The following IL1RAPL2 variants were observed in gnomAD, a reference collection of about 807,000 sequenced individuals.
The protein encoded by IL1RAPL2 is X-linked interleukin-1 receptor accessory protein-like 2.
IL1RAPL2 carries 3 observed loss-of-function variants against 44.1 expected under a neutral mutation model. The ratio of observed to expected loss-of-function variants is 0.07; its 90% CI spans 0.03 to 0.18. The LOEUF is 0.18. IL1RAPL2 is among the 10% of genes least tolerant of loss of function. IL1RAPL2 has a pLI of 1.00. For synonymous variants in IL1RAPL2, 181 were observed against 178.8 expected, an observed-to-expected ratio of 1.01 and a Z score of -0.10; for missense variants, 391 against 496.4, an observed-to-expected ratio of 0.79 and a Z score of 2.02.
chrX:104,890,952 C>A (rs1377504308), intron 2 of IL1RAPL2, among the ~76,000 whole-genome samples: 11 of 111,766 alleles, frequency 9.8e-5, no homozygotes, highest in African/African-American at 3.3e-4. Context: ...TAATTCTTTA[C>A]TCCCTCTTGA....
At chrX:105,406,435 G>A in intron 5 of IL1RAPL2, 1 of 1,149,865 alleles carries the variant, frequency 8.7e-7, no homozygotes, top group African/African-American at 1.8e-5. Flanking sequence ...ACCTGGAAGT[G>A]GCAATAAAGA....
chrX:104,782,792 CTG>C (rs1932781356), intron 2 of IL1RAPL2, among the ~76,000 whole-genome samples: 1 of 111,694 alleles, frequency 9.0e-6, no homozygotes, highest in South Asian at 3.8e-4. Context: ...TACAGGCTAA[CTG>C]TTGCTGAGGC....
At chrX:104,936,989 G>A (rs886108843) in intron 2 of IL1RAPL2, among the ~76,000 whole-genome samples, 8 of 111,875 alleles carry the variant, frequency 7.2e-5, no homozygotes, top group African/African-American at 2.3e-4. Context: ...AGAGCAGAGA[G>A]ACTGGGCTCT....
At chrX:105,432,818 T>G (rs2035857448) in intron 5 of IL1RAPL2, among the ~76,000 whole-genome samples, 1 of 110,813 alleles carries the variant, frequency 9.0e-6, no homozygotes, top group South Asian at 3.9e-4. Context: ...GGGAACCCAT[T>G]GCTAATTTGA....
intron 5 of IL1RAPL2, among the ~76,000 whole-genome samples, chrX:105,453,766 A>G (rs1356062749): frequency 3.6e-5 from 4 of 112,088 alleles, no homozygotes; most frequent in African/African-American, 9.7e-5. Flanking sequence ...GTGTGTATAT[A>G]TGATACTCCT....
At chrX:105,159,154 C>T (rs749980660) in intron 2 of IL1RAPL2, among the ~76,000 whole-genome samples, 1 of 112,565 alleles carries the variant, frequency 8.9e-6, no homozygotes, top group Non-Finnish European at 1.9e-5. Context: ...AAATTAAGCT[C>T]TAGATGCATT....
At chrX:104,960,567 G>C (rs1540291) in intron 2 of IL1RAPL2, among the ~76,000 whole-genome samples, 54,517 of 109,560 alleles carry the variant, frequency 0.5, 10,122 homozygotes, top group African/African-American at 0.63. Flanking sequence ...AAAGAAATAG[G>C]TATGCATTCA....
At chrX:104,865,203 T>A (rs1203094874) in intron 2 of IL1RAPL2, among the ~76,000 whole-genome samples, 1 of 111,301 alleles carries the variant, frequency 9.0e-6, no homozygotes, top group Admixed American at 9.5e-5. Flanking sequence ...ACTGCAGAGG[T>A]TAGTGCCACC....
intron 6 of IL1RAPL2, among the ~76,000 whole-genome samples, chrX:105,488,173 A>G (rs2147777498): frequency 8.9e-6 from 1 of 112,059 alleles, no homozygotes; most frequent in African/African-American, 3.2e-5. Context: ...TCTCCCGTTG[A>G]ATCTGGGTTG....
intron 2 of IL1RAPL2, among the ~76,000 whole-genome samples, chrX:105,041,486 G>A (rs1256195280): frequency 9.1e-6 from 1 of 110,484 alleles, no homozygotes; most frequent in Non-Finnish European, 1.9e-5. Context: ...GGGTGTTAAA[G>A]TCTCCCATTA....
At chrX:104,602,099 G>C (rs1330954329) in intron 1 of IL1RAPL2, among the ~76,000 whole-genome samples, 1 of 111,798 alleles carries the variant, frequency 8.9e-6, no homozygotes, top group Admixed American at 9.4e-5. Context: ...TTGACACAGA[G>C]ACGGGTGATT....
intron 1 of IL1RAPL2, among the ~76,000 whole-genome samples, chrX:104,572,720 G>A (rs1323338380): frequency 2.7e-5 from 3 of 110,272 alleles, no homozygotes; most frequent in Admixed American, 9.6e-5. Flanking sequence ...TCAGCCTCCC[G>A]CCCCCAGTAG....
intron 6 of IL1RAPL2, among the ~76,000 whole-genome samples, chrX:105,653,166 T>C (rs923868919): frequency 9.0e-6 from 1 of 111,448 alleles, no homozygotes; most frequent in Non-Finnish European, 1.9e-5. Context: ...ATACGGAAAA[T>C]ATAGCTTCTG....
At chrX:104,891,302 G>A (rs753140982) in intron 2 of IL1RAPL2, among the ~76,000 whole-genome samples, 1 of 111,854 alleles carries the variant, frequency 8.9e-6, no homozygotes, top group African/African-American at 3.2e-5. Flanking sequence ...GGTTCCATAT[G>A]AACTTTAAAG....
At chrX:104,628,771 T>C (rs1231567743) in intron 1 of IL1RAPL2, among the ~76,000 whole-genome samples, 1 of 112,208 alleles carries the variant, frequency 8.9e-6, no homozygotes, top group Non-Finnish European at 1.9e-5. Flanking sequence ...ATAAGAGTTC[T>C]GTTTTCTCTG....
At chrX:105,342,500 T>C (rs150444035) in intron 5 of IL1RAPL2, among the ~76,000 whole-genome samples, 1,457 of 111,626 alleles carry the variant, frequency 0.013, 20 homozygotes, top group African/African-American at 0.045. Context: ...TGCTGAAGCT[T>C]GTGGCCACAT....
At chrX:104,870,073 A>G (rs1005072817) in intron 2 of IL1RAPL2, among the ~76,000 whole-genome samples, 1 of 112,348 alleles carries the variant, frequency 8.9e-6, no homozygotes, top group African/African-American at 3.2e-5. Flanking sequence ...CAATAAAAAT[A>G]TTACCATTGC....
chrX:105,482,353 A>AGAG (rs769754643), intron 5 of IL1RAPL2, among the ~76,000 whole-genome samples: 2 of 112,062 alleles, frequency 1.8e-5, no homozygotes, highest in Non-Finnish European at 3.8e-5. Flanking sequence ...CAGATTATTA[A>AGAG]GAGTAACTGT....
chrX:105,469,442 A>G (rs1401714032), intron 5 of IL1RAPL2, among the ~76,000 whole-genome samples: 1 of 110,835 alleles, frequency 9.0e-6, no homozygotes, highest in Non-Finnish European at 1.9e-5. Context: ...GGTATAACAT[A>G]CAAAGAAACA....
Sources: gnomAD v4.1 joint callset for allele counts (sites outside exome capture counted in the v4.1 genomes callset) on GRCh38, gnomAD v4.1.1 for gene constraint, MANE v1.5 for transcripts, NCBI Gene and HGNC (gene_info 2026-07-23, HGNC 2026-07-21) for gene names.